The following LYRM4 variants were observed in gnomAD, a reference collection of about 807,000 sequenced individuals.
LYRM4 encodes the protein LYR motif containing 4, also known as LYR motif-containing protein 4.
LYRM4 carries 9 observed loss-of-function variants against 11.7 expected under a neutral mutation model. The observed-to-expected ratio is 0.77, with a 90% CI of 0.46 to 1.34. The LOEUF is 1.34. Among genes scored for constraint, LYRM4 ranks in the 40% most tolerant of loss-of-function variants. LYRM4 has a pLI of 0.00. For missense variants in LYRM4, 133 were observed against 112.5 expected (o/e 1.18, Z -0.82); for synonymous variants, 42 against 40.4 (o/e 1.04, Z -0.15).
chr6:5,141,544 C>A (rs1757410862), intron 2 of LYRM4, among the ~76,000 whole-genome samples: 1 of 152,198 alleles, frequency 6.6e-6, no homozygotes, highest in African/African-American at 2.4e-5. Flanking sequence ...GAAGGAACCT[C>A]ATTATATCAA....
chr6:5,260,609 T>TG, intron 1 of LYRM4, 39 bp downstream of exon 1: 22 of 594,148 alleles, frequency 3.7e-5, no homozygotes, highest in Admixed American at 1.8e-4. Flanking sequence ...CCCCGGCCCC[T>TG]GGCCCCCCGC....
Position 5,211,768 on chromosome 6 carries a change from T to C in LYRM4, c.207+4850A>G, listed in dbSNP as rs184168904. Among the ~76,000 whole-genome samples the C allele has an allele frequency of 2.2e-4, 34 of 152,354 alleles. No homozygotes were observed. In the East Asian group the frequency reaches 4.0e-3, roughly 18 times the overall value. ...TTAGAACACATCCAGTTTATCTTCT[T>C]ACTGCACAATTATGTACTATAGTAA... On this transcript the variant is annotated intron_variant, in intron 2 of 2. Coordinates refer to ENST00000330636, the MANE Select transcript of LYRM4 (RefSeq NM_020408.6).
chr6:5,078,601 T>C, the LYRM4 span, among the ~76,000 whole-genome samples: 1 of 152,216 alleles, frequency 6.6e-6, no homozygotes, highest in African/African-American at 2.4e-5. Flanking sequence ...CCTGGCTTTA[T>C]ATTCTGAGCC....
At chr6:5,087,994 C>T in the LYRM4 span, 3 of 152,164 alleles carry the variant, frequency 2.0e-5, no homozygotes, top group Admixed American at 2.0e-4. Context: ...CAGGGCTGGG[C>T]ATACGTACAT....
chr6:5,185,912 G>A (rs1361916875), intron 2 of LYRM4, among the ~76,000 whole-genome samples: 1 of 152,162 alleles, frequency 6.6e-6, no homozygotes, highest in Non-Finnish European at 1.5e-5. Context: ...GACTGGGCCA[G>A]GGCCAGCAGA....
intron 2 of LYRM4, among the ~76,000 whole-genome samples, chr6:5,184,282 A>G (rs1760251464): frequency 6.6e-6 from 1 of 152,202 alleles, no homozygotes; most frequent in South Asian, 2.1e-4. Flanking sequence ...GGCGAGTGGC[A>G]TGGAGTTTCA....
the LYRM4 span, among the ~76,000 whole-genome samples, chr6:5,052,120 G>A: frequency 6.6e-6 from 1 of 152,182 alleles, no homozygotes; most frequent in African/African-American, 2.4e-5. Flanking sequence ...TGCCTTGCAA[G>A]AAGGGAGTTC....
chr6:5,245,113 A>AAATAT (rs70974183), intron 1 of LYRM4, among the ~76,000 whole-genome samples: 1 of 24,140 alleles, frequency 4.1e-5, no homozygotes, highest in Non-Finnish European at 6.6e-5. Context: ...AAAAAAAAAA[A>AAATAT]ATATATATAT....
chr6:5,165,700 A>T (rs116194134), intron 2 of LYRM4, among the ~76,000 whole-genome samples: 1 of 151,904 alleles, frequency 6.6e-6, no homozygotes, highest in Admixed American at 6.6e-5. Context: ...ATACCACCAC[A>T]CCCAGCAGAT....
the LYRM4 span, among the ~76,000 whole-genome samples, chr6:5,092,597 A>G: frequency 1.3e-5 from 2 of 151,674 alleles, no homozygotes; most frequent in African/African-American, 2.4e-5. Context: ...GCACACCTGT[A>G]GTCCCAGCTA....
Position 5,260,667 on chromosome 6 carries a change from A to G in LYRM4, c.67T>C (p.Phe23Leu). 2 of 1,544,694 alleles carry G rather than the reference A, an allele frequency of 1.3e-6. No individual in the cohort carries two copies. The highest frequency in any genetic ancestry group is 2.4e-5 in the South Asian group (2 of 84,284). Residue 23 changes from phenylalanine (F) to leucine (L), a missense_variant, in exon 1 of 3, where the codon TTC becomes CTC. Coordinates refer to ENST00000330636, the MANE Select transcript of LYRM4 (RefSeq NM_020408.6). ...YRAMLRESKRFSAYNYRTYAV... is the reference protein window; with the variant it reads ...YRAMLRESKRLSAYNYRTYAV... Reference sequence around the variant, plus strand: ...GGTCACCTGTAATTGTAGGCGCTGAAACGCTTGCTCTCTCTCAGCATCGCC... The same window carrying G: ...GGTCACCTGTAATTGTAGGCGCTGAGACGCTTGCTCTCTCTCAGCATCGCC...
At chr6:5,085,640 C>T in the LYRM4 span, 15 of 1,548,828 alleles carry the variant, frequency 9.7e-6, no homozygotes, top group Admixed American at 2.0e-5. Context: ...AGTCCTGACG[C>T]TCAGCTAGGG....
intron 1 of LYRM4, among the ~76,000 whole-genome samples, chr6:5,243,402 A>G (rs1320003920): frequency 6.6e-6 from 1 of 152,236 alleles, no homozygotes; most frequent in African/African-American, 2.4e-5. Flanking sequence ...TATTCTGAAC[A>G]CATTTTTCTC....
At chr6:5,179,065 C>CAAAACAAAAACAAAAAAAA (rs1561851701) in intron 2 of LYRM4, among the ~76,000 whole-genome samples, 3 of 103,902 alleles carry the variant, frequency 2.9e-5, no homozygotes, top group African/African-American at 4.0e-5. Flanking sequence ...ACCAAAAAAA[C>CAAAACAAAAACAAAAAAAA]AAAAAAAAAA....
chr6:5,044,081 C>A, the LYRM4 span, among the ~76,000 whole-genome samples: 1 of 151,518 alleles, frequency 6.6e-6, no homozygotes. Context: ...TAGTATACCT[C>A]AAATTTTTTG....
chr6:5,190,518 C>G (rs113684527), intron 2 of LYRM4, among the ~76,000 whole-genome samples: 3 of 152,328 alleles, frequency 2.0e-5, no homozygotes, highest in African/African-American at 7.2e-5. Flanking sequence ...CACACACATG[C>G]AGGCATGCAG....
intron 2 of LYRM4, among the ~76,000 whole-genome samples, chr6:5,146,003 T>C (rs1158507302): frequency 6.6e-6 from 1 of 152,224 alleles, no homozygotes; most frequent in Non-Finnish European, 1.5e-5. Context: ...GCAATTAATT[T>C]TTCTCATGAT....
At chr6:5,094,284 C>G in the LYRM4 span, among the ~76,000 whole-genome samples, 2 of 152,140 alleles carry the variant, frequency 1.3e-5, no homozygotes, top group African/African-American at 4.8e-5. Context: ...GAGTTCAAGA[C>G]AAGCCCGGAG....
intron 2 of LYRM4, among the ~76,000 whole-genome samples, chr6:5,168,543 G>C (rs923348885): frequency 1.3e-5 from 2 of 152,200 alleles, no homozygotes; most frequent in African/African-American, 4.8e-5. Context: ...AAAACATCAC[G>C]AAAGACAAAA....
Sources: gnomAD v4.1 joint callset for allele counts (sites outside exome capture counted in the v4.1 genomes callset) on GRCh38, gnomAD v4.1.1 for gene constraint, MANE v1.5 for transcripts, NCBI Gene and HGNC (gene_info 2026-07-23, HGNC 2026-07-21) for gene names.